The following SLC35D4 variants were observed in gnomAD, a reference collection of about 807,000 sequenced individuals.
The protein encoded by SLC35D4 is UDP-N-acetylglucosamine transporter SLC35D4.
the SLC35D4 span, chr18:23,370,366 C>CA: frequency 9.1e-7 from 1 of 1,104,052 alleles, no homozygotes; most frequent in Non-Finnish European, 1.3e-6. Flanking sequence ...CTCCCAAAAG[C>CA]ACGACTGCTG....
the SLC35D4 span, chr18:23,377,685 A>G: frequency 6.4e-7 from 1 of 1,568,086 alleles, no homozygotes; most frequent in African/African-American, 1.4e-5. Flanking sequence ...CATAAAAGTA[A>G]AGAAACATAC....
chr18:23,315,616 T>G, the SLC35D4 span, among the ~76,000 whole-genome samples: 1 of 152,208 alleles, frequency 6.6e-6, no homozygotes, highest in Non-Finnish European at 1.5e-5. Flanking sequence ...TTTGTTTTGT[T>G]GTTTAATCCT....
At chr18:23,387,293 CTG>C in the SLC35D4 span, among the ~76,000 whole-genome samples, 3 of 152,178 alleles carry the variant, frequency 2.0e-5, no homozygotes, top group Non-Finnish European at 4.4e-5. Flanking sequence ...TGTCATCACT[CTG>C]GGCTCCAGCT....
chr18:23,411,791 C>A, the SLC35D4 span, among the ~76,000 whole-genome samples: 3 of 152,142 alleles, frequency 2.0e-5, no homozygotes, highest in Admixed American at 1.3e-4. Flanking sequence ...AAGAAGCTAA[C>A]AAAAGTCTGT....
the SLC35D4 span, among the ~76,000 whole-genome samples, chr18:23,329,051 T>C: frequency 2.0e-5 from 3 of 152,090 alleles, no homozygotes; most frequent in Non-Finnish European, 4.4e-5. Flanking sequence ...ATACAAAAAT[T>C]AATTCAAGAT....
the SLC35D4 span, chr18:23,253,772 C>CT: frequency 6.2e-7 from 1 of 1,614,202 alleles, no homozygotes; most frequent in Non-Finnish European, 8.5e-7. Flanking sequence ...GGACTGTGGC[C>CT]TTGAGGAGCC....
chr18:23,317,182 C>G, the SLC35D4 span, among the ~76,000 whole-genome samples: 1 of 144,274 alleles, frequency 6.9e-6, no homozygotes, highest in Admixed American at 6.9e-5. Flanking sequence ...CACACACACA[C>G]CCCACTAATA....
chr18:23,305,474 G>A, the SLC35D4 span, among the ~76,000 whole-genome samples: 1 of 152,180 alleles, frequency 6.6e-6, no homozygotes, highest in East Asian at 1.9e-4. Context: ...AAAATCTTGG[G>A]AAAATAAGCA....
At chr18:23,418,010 C>A in the SLC35D4 span, among the ~76,000 whole-genome samples, 1 of 152,110 alleles carries the variant, frequency 6.6e-6, no homozygotes, top group African/African-American at 2.4e-5. Context: ...AATTCTGTAT[C>A]CCTATTTGTT....
chr18:23,247,263 C>T, the SLC35D4 span, among the ~76,000 whole-genome samples: 57 of 152,246 alleles, frequency 3.7e-4, no homozygotes, highest in African/African-American at 1.2e-3. Context: ...ACCTCCTGTA[C>T]ACCAGAGAGT....
the SLC35D4 span, chr18:23,331,444 G>A: frequency 6.6e-6 from 1 of 152,162 alleles, no homozygotes. Flanking sequence ...AGGCCCCAGG[G>A]CTCTGCTCGG....
At chr18:23,287,857 G>T in the SLC35D4 span, among the ~76,000 whole-genome samples, 3 of 152,160 alleles carry the variant, frequency 2.0e-5, no homozygotes, top group African/African-American at 7.2e-5. Flanking sequence ...TAGCCTTTTT[G>T]TCCAAACAAC....
the SLC35D4 span, among the ~76,000 whole-genome samples, chr18:23,419,036 A>C: frequency 6.6e-6 from 1 of 151,898 alleles, no homozygotes; most frequent in Non-Finnish European, 1.5e-5. Context: ...AAAAAAAATT[A>C]AGCAGTTAAT....
the SLC35D4 span, among the ~76,000 whole-genome samples, chr18:23,408,540 G>T: frequency 6.6e-6 from 1 of 152,174 alleles, no homozygotes; most frequent in South Asian, 2.1e-4. Flanking sequence ...GCTCTGAACA[G>T]AATTGCTGGT....
chr18:23,338,442 T>C, the SLC35D4 span, among the ~76,000 whole-genome samples: 1 of 152,198 alleles, frequency 6.6e-6, no homozygotes, highest in Non-Finnish European at 1.5e-5. Flanking sequence ...CTGGCTCTCA[T>C]TAATCTAGGG....
chr18:23,412,903 T>C, the SLC35D4 span, among the ~76,000 whole-genome samples: 1 of 152,182 alleles, frequency 6.6e-6, no homozygotes, highest in African/African-American at 2.4e-5. Flanking sequence ...GTTGGCCCAA[T>C]TTAGAATAAG....
chr18:23,254,361 T>TA, the SLC35D4 span, among the ~76,000 whole-genome samples: 1 of 152,216 alleles, frequency 6.6e-6, no homozygotes, highest in African/African-American at 2.4e-5. Flanking sequence ...GACAAGGTGG[T>TA]ATCTCTTTTC....
At chr18:23,269,936 G>A in the SLC35D4 span, among the ~76,000 whole-genome samples, 6 of 152,348 alleles carry the variant, frequency 3.9e-5, no homozygotes, top group East Asian at 1.2e-3. Context: ...GCCTGACGAT[G>A]TGATAGAAAA....
chr18:23,434,584 A>G, the SLC35D4 span, among the ~76,000 whole-genome samples: 1 of 152,150 alleles, frequency 6.6e-6, no homozygotes, highest in African/African-American at 2.4e-5. Context: ...TGAGCCCAGG[A>G]GTTAAAAACT....
Sources: gnomAD v4.1 joint callset for allele counts (sites outside exome capture counted in the v4.1 genomes callset) on GRCh38, gnomAD v4.1.1 for gene constraint, MANE v1.5 for transcripts, NCBI Gene and HGNC (gene_info 2026-07-23, HGNC 2026-07-21) for gene names.